The following SORCS2 variants were observed in gnomAD, a reference collection of about 807,000 sequenced individuals.
The protein encoded by SORCS2 is VPS10 domain-containing receptor SorCS2.
Under a neutral mutation model 141.6 loss-of-function variants are expected in SORCS2, and 100 were observed. The ratio of observed to expected loss-of-function variants is 0.71; its 90% CI spans 0.60 to 0.83. The LOEUF (loss-of-function observed/expected upper bound fraction) is 0.83. Ranked by LOEUF, SORCS2 falls within the 40% of genes least tolerant of loss-of-function variation. The probability of loss-of-function intolerance (pLI) is 0.00; values close to 1 mark genes in which losing one functional copy is unlikely to be tolerated. For synonymous variants in SORCS2, 789 were observed against 676.9 expected, an observed-to-expected ratio of 1.17 and a Z score of -2.57; for missense variants, 1,646 against 1,560.2, an observed-to-expected ratio of 1.05 and a Z score of -0.93.
intron 1 of SORCS2, among the ~76,000 whole-genome samples, chr4:7,371,782 TG>T (rs1173478249): frequency 6.6e-6 from 1 of 152,206 alleles, no homozygotes; most frequent in African/African-American, 2.4e-5. Context: ...CAGCTCGCTG[TG>T]GGTCCCTCAG....
intron 2 of SORCS2, among the ~76,000 whole-genome samples, chr4:7,496,335 G>C (rs1477437908): frequency 2.6e-5 from 4 of 152,144 alleles, no homozygotes; most frequent in African/African-American, 9.7e-5. Flanking sequence ...AGAGGAATGA[G>C]GATTCGCGCC....
chr4:7,719,302 T>G (rs1265635453), intron 18 of SORCS2, among the ~76,000 whole-genome samples: 6 of 152,256 alleles, frequency 3.9e-5, no homozygotes, highest in Non-Finnish European at 2.9e-5. Context: ...CGCAGAGCAG[T>G]GCTTGCCCAG....
At chr4:7,522,572 G>T (rs1039964586) in intron 2 of SORCS2, among the ~76,000 whole-genome samples, 1 of 152,084 alleles carries the variant, frequency 6.6e-6, no homozygotes, top group Non-Finnish European at 1.5e-5. Context: ...GAGAGGAGGC[G>T]CTCAGTAAGC....
intron 1 of SORCS2, among the ~76,000 whole-genome samples, chr4:7,391,040 G>C (rs1360996033): frequency 6.6e-6 from 1 of 152,182 alleles, no homozygotes. Flanking sequence ...TGGACACAAA[G>C]ACATGGGGAG....
At chr4:7,508,137 G>A (rs1209685086) in intron 2 of SORCS2, among the ~76,000 whole-genome samples, 1 of 151,590 alleles carries the variant, frequency 6.6e-6, no homozygotes, top group Non-Finnish European at 1.5e-5. Flanking sequence ...GGAGTGGGTG[G>A]GAGAAGCTTT....
chr4:7,428,345 C>G (rs986497068), intron 2 of SORCS2, among the ~76,000 whole-genome samples: 1 of 152,182 alleles, frequency 6.6e-6, no homozygotes, highest in Non-Finnish European at 1.5e-5. Context: ...AGCGTTCATT[C>G]GCTCATCCTG....
chr4:7,310,117 C>T (rs889966131), intron 1 of SORCS2, among the ~76,000 whole-genome samples: 7 of 152,160 alleles, frequency 4.6e-5, no homozygotes, highest in African/African-American at 1.7e-4. Context: ...CAGGGAAGAC[C>T]CTGGGGGATG....
chr4:7,433,028 G>A (rs1314771877), intron 2 of SORCS2: 4 of 276,034 alleles, frequency 1.4e-5, no homozygotes, highest in East Asian at 1.2e-4. Flanking sequence ...TGGGACCACC[G>A]GCAACATCTC....
chr4:7,480,967 G>A (rs1418500933), intron 2 of SORCS2, among the ~76,000 whole-genome samples: 1 of 152,262 alleles, frequency 6.6e-6, no homozygotes, highest in Non-Finnish European at 1.5e-5. Context: ...AGATAGGCCT[G>A]TGAGGTGACA....
rs775919957 is a variant in SORCS2, at chr4:7,531,526, C to T, written c.549-4C>T. 23 of 1,613,378 alleles carry T rather than the reference C, an allele frequency of 1.4e-5. No homozygotes were observed. Among genetic ancestry groups the T allele is most frequent in the Non-Finnish European group, 1.9e-5 (22 of 1,179,624 alleles). On this transcript the variant is annotated splice_polypyrimidine_tract_variant and splice_region_variant and intron_variant, in intron 2 of 26. Transcript: ENST00000507866. ...GGCTGACGGCTGTCCCCCTTTTCCCCCAGGTCATCAGATTTCGGGACGTCC... is the reference window on the plus strand; with the variant it reads ...GGCTGACGGCTGTCCCCCTTTTCCCTCAGGTCATCAGATTTCGGGACGTCC...
chr4:7,201,038 C>T lies in SORCS2; in HGVS notation c.480+7912C>T, dbSNP rs1013780180. 4.6e-5 allele frequency among the ~76,000 whole-genome samples: 7 copies of T among 152,074 alleles called. No homozygotes were observed. The highest frequency in any genetic ancestry group is 1.9e-4 in the East Asian group (1 of 5,188). ...GGGGCCAAGTCAAACTTGGCCCCTG[C>T]GCGGGTGAAATGTTTGGTCTGGACA... On this transcript the variant is annotated intron_variant, in intron 1 of 26. Transcript: ENST00000507866. This position sits in a 1 kb window ranked among gnomAD's most constrained non-coding sequence, Gnocchi z 4.4.
chr4:7,257,544 C>T (rs1485257576), intron 1 of SORCS2, among the ~76,000 whole-genome samples: 2 of 152,172 alleles, frequency 1.3e-5, no homozygotes, highest in Non-Finnish European at 2.9e-5. Flanking sequence ...TTCTCCCTCT[C>T]CTGCCCCACA....
At chr4:7,482,674 TGCA>T in intron 2 of SORCS2, among the ~76,000 whole-genome samples, 4 of 85,666 alleles carry the variant, frequency 4.7e-5, no homozygotes, top group African/African-American at 2.7e-4. Flanking sequence ...CACCCCTGGC[TGCA>T]GTTCAGACCT....
chr4:7,549,954 G>A (rs1713555878), intron 3 of SORCS2, among the ~76,000 whole-genome samples: 1 of 152,172 alleles, frequency 6.6e-6, no homozygotes, highest in Non-Finnish European at 1.5e-5. Context: ...AGGGAGATGA[G>A]TTCTCATATT....
chr4:7,733,701 T>C (rs1711898449), intron 24 of SORCS2, among the ~76,000 whole-genome samples: 4 of 152,220 alleles, frequency 2.6e-5, no homozygotes, highest in Admixed American at 6.5e-5. Context: ...CGGCTGTCAG[T>C]CATCCTTTCC....
At chr4:7,283,879 G>A (rs918751694) in intron 1 of SORCS2, among the ~76,000 whole-genome samples, 4 of 152,202 alleles carry the variant, frequency 2.6e-5, no homozygotes, top group East Asian at 1.9e-4. Context: ...CCTGTGCTGG[G>A]AGCCACTTGA....
chr4:7,647,647 T>C (rs1721165400), intron 4 of SORCS2, among the ~76,000 whole-genome samples: 1 of 152,156 alleles, frequency 6.6e-6, no homozygotes, highest in African/African-American at 2.4e-5. Context: ...GGTAAGGGAA[T>C]AAAGGCTGTG....
intron 3 of SORCS2, among the ~76,000 whole-genome samples, chr4:7,604,349 G>A (rs753384604): frequency 6.6e-6 from 1 of 152,156 alleles, no homozygotes; most frequent in Non-Finnish European, 1.5e-5. Context: ...ACGGAGTCTC[G>A]CTCTGTCGCC....
intron 1 of SORCS2, among the ~76,000 whole-genome samples, chr4:7,343,391 C>T (rs1392768467): frequency 6.6e-6 from 1 of 152,208 alleles, no homozygotes; most frequent in Non-Finnish European, 1.5e-5. Context: ...CATGTCTGAG[C>T]CTCAGCTTCT....
Sources: allele counts gnomAD v4.1 joint callset (sites outside exome capture counted in the v4.1 genomes callset), GRCh38; gene constraint gnomAD v4.1.1; non-coding constraint Gnocchi (gnomAD v3.1); transcripts MANE v1.5; gene names NCBI Gene and HGNC (gene_info 2026-07-23, HGNC 2026-07-21).